The following JARID2 variants were observed in gnomAD, a reference collection of about 807,000 sequenced individuals.
The protein encoded by JARID2 is jumonji and AT-rich interaction domain containing 2.
JARID2 carries 21 observed loss-of-function variants against 125.6 expected under a neutral mutation model. The ratio of observed to expected loss-of-function variants is 0.17; its 90% CI spans 0.12 to 0.24. The LOEUF is 0.24. Among genes scored for constraint, JARID2 ranks in the 10% least tolerant of loss-of-function variants. JARID2 has a pLI of 1.00. For synonymous variants in JARID2, 736 were observed against 661.6 expected (o/e 1.11, Z -1.73); for missense variants, 1,303 against 1,639.6 (o/e 0.79, Z 3.55).
At chr6:15,429,472 C>T in intron 3 of JARID2, among the ~76,000 whole-genome samples, 1 of 151,984 alleles carries the variant, frequency 6.6e-6, no homozygotes, top group East Asian at 1.9e-4. Context: ...CAGTGTGTTG[C>T]CTGGGCTGGT....
In JARID2 at chr6:15,288,971, A is replaced by G. The variant is rs182220755; in HGVS notation, c.45+42387A>G. Among the ~76,000 whole-genome samples, 520 of 152,300 alleles carry G rather than the reference A, an allele frequency of 3.4e-3. 1 individual carries two copies. The highest frequency in any genetic ancestry group is 0.012 in the African/African-American group (492 of 41,566). On this transcript the variant is annotated intron_variant, in intron 1 of 17. Coordinates refer to ENST00000341776, the MANE Select transcript of JARID2 (RefSeq NM_004973.4). ...TAGTGAGCAGTGGATAGTGGAGCTC[A>G]GACTGAGGGACTGGGGGCAAGGAGC... is the stretch of plus-strand genomic sequence containing the variant.
At chr6:15,377,944 G>A (rs1157033287) in intron 2 of JARID2, among the ~76,000 whole-genome samples, 2 of 150,476 alleles carry the variant, frequency 1.3e-5, no homozygotes, top group African/African-American at 4.9e-5. Context: ...GGAGTACAGT[G>A]GCGCTATCTC....
chr6:15,333,996 G>A (rs538928543), intron 1 of JARID2, among the ~76,000 whole-genome samples: 90 of 152,082 alleles, frequency 5.9e-4, no homozygotes, highest in African/African-American at 2.0e-3. Context: ...ATATTTAGTG[G>A]GCAAACCTTT....
intron 1 of JARID2, among the ~76,000 whole-genome samples, chr6:15,349,724 G>C (rs895576073): frequency 6.6e-6 from 1 of 152,148 alleles, no homozygotes; most frequent in South Asian, 2.1e-4. Context: ...CCTTACGCTA[G>C]TGCTGCATTC....
intron 1 of JARID2, among the ~76,000 whole-genome samples, chr6:15,291,528 T>C (rs1013647654): frequency 1.1e-4 from 16 of 152,182 alleles, no homozygotes; most frequent in African/African-American, 3.9e-4. Context: ...GGGGAGTTTC[T>C]TGGATGAGAG....
At chr6:15,434,042 G>C (rs1352607543) in intron 3 of JARID2, among the ~76,000 whole-genome samples, 1 of 151,456 alleles carries the variant, frequency 6.6e-6, no homozygotes, top group East Asian at 1.9e-4. Context: ...ACATGTTTCA[G>C]CTTGGCATGA....
intron 1 of JARID2, among the ~76,000 whole-genome samples, chr6:15,277,864 G>A (rs536317694): frequency 1.4e-5 from 2 of 142,222 alleles, no homozygotes; most frequent in East Asian, 4.2e-4. Flanking sequence ...ATGGATAGAT[G>A]GAGAGAAAGC....
chr6:15,381,528 ACACT>A (rs1043418481), intron 2 of JARID2, among the ~76,000 whole-genome samples: 8 of 152,090 alleles, frequency 5.3e-5, no homozygotes, highest in African/African-American at 1.9e-4. Context: ...ATGTGAGGAC[ACACT>A]CTGCATGAAA....
chr6:15,415,514 G>GCGGCCGGGCAGAGGCGCCCCTCAC (rs1488175891), intron 3 of JARID2, among the ~76,000 whole-genome samples: 12 of 127,234 alleles, frequency 9.4e-5, no homozygotes, highest in African/African-American at 3.3e-4. Context: ...CCCAGTAGGG[G>GCGGCCGGGCAGAGGCGCCCCTCAC]CTGCCGGGCA....
intron 1 of JARID2, among the ~76,000 whole-genome samples, chr6:15,334,744 C>G (rs1045136291): frequency 1.7e-4 from 26 of 152,074 alleles, no homozygotes; most frequent in Non-Finnish European, 3.2e-4. Context: ...ATACAGAAGG[C>G]CTTTTGAAAT....
At chr6:15,346,129 C>T (rs988840537) in intron 1 of JARID2, among the ~76,000 whole-genome samples, 5 of 152,104 alleles carry the variant, frequency 3.3e-5, no homozygotes, top group Non-Finnish European at 7.3e-5. Flanking sequence ...TAGTTAAATG[C>T]GCATTAAAGC....
chr6:15,343,775 A>T (rs1007226639), intron 1 of JARID2, among the ~76,000 whole-genome samples: 77 of 152,200 alleles, frequency 5.1e-4, no homozygotes, highest in Non-Finnish European at 1.8e-4. Context: ...TGATCACAAG[A>T]CTATAAGCCA....
At chr6:15,313,073 T>A (rs1019075578) in intron 1 of JARID2, among the ~76,000 whole-genome samples, 1 of 152,216 alleles carries the variant, frequency 6.6e-6, no homozygotes. Flanking sequence ...TGCTTGTTTT[T>A]AAACAATCTT....
chr6:15,407,089 A>G (rs1765680181), intron 2 of JARID2, among the ~76,000 whole-genome samples: 1 of 151,966 alleles, frequency 6.6e-6, no homozygotes, highest in South Asian at 2.1e-4. Context: ...GCAAGACCCC[A>G]TGTATAAAAA....
At position 15,520,244 on chromosome 6, in the gene JARID2, C is replaced by T; in HGVS notation, c.3734C>T (p.Ser1245Leu). The T allele has an allele frequency of 6.3e-7, 1 of 1,593,782 alleles. No homozygotes were observed. The highest frequency in any genetic ancestry group is 8.5e-7 in the Non-Finnish European group (1 of 1,171,488). ...ASSSSKSASSSS is the reference protein window; with the variant it reads ...ASSSSKSASSLS ...AGTTCATCCAAAAGTGCTTCGAGCT[C>T]ATCATGAAGATGCCAACGCCCGTGG... Residue 1245 changes from serine to leucine, a missense_variant, in exon 18 of 18, where the codon TCA becomes TTA. By Grantham distance (145) the Ser-to-Leu change is moderately radical. This residue lies in a region of JARID2 where 75 missense variants were observed against 66.0 expected (regional missense o/e 1.14). Transcript: ENST00000341776.
chr6:15,335,657 C>T (rs182032673), intron 1 of JARID2, among the ~76,000 whole-genome samples: 3 of 152,282 alleles, frequency 2.0e-5, no homozygotes, highest in Admixed American at 2.0e-4. Context: ...GTCTTTTCTC[C>T]TAGTGTCCAC....
At chr6:15,477,504 GTTTTTT>G (rs56055395) in intron 5 of JARID2, among the ~76,000 whole-genome samples, 5 of 137,434 alleles carry the variant, frequency 3.6e-5, no homozygotes, top group African/African-American at 5.4e-5. Flanking sequence ...GGGAGTGTTG[GTTTTTT>G]TTTTTTTTTT....
chr6:15,437,575 T>C (rs574660757), intron 3 of JARID2, among the ~76,000 whole-genome samples: 2 of 152,286 alleles, frequency 1.3e-5, no homozygotes, highest in African/African-American at 4.8e-5. Flanking sequence ...ACTTTTTCTC[T>C]ACCCTCTTAA....
chr6:15,429,982 A>T (rs1766901952), intron 3 of JARID2, among the ~76,000 whole-genome samples: 1 of 152,142 alleles, frequency 6.6e-6, no homozygotes. Flanking sequence ...ATATTGCTGA[A>T]TTGCTAGCAG....
Sources: gnomAD v4.1 joint callset for allele counts (sites outside exome capture counted in the v4.1 genomes callset) on GRCh38, gnomAD v4.1.1 for gene constraint, gnomAD v4.1.1 regional missense constraint, MANE v1.5 for transcripts, NCBI Gene and HGNC (gene_info 2026-07-23, HGNC 2026-07-21) for gene names.